Variants in EPHB1 observed in about 807,000 individuals in gnomAD.
EPHB1 encodes the protein EPH receptor B1.
EPHB1 carries 30 observed loss-of-function variants against 94.4 expected under a neutral mutation model. The ratio of observed to expected loss-of-function variants is 0.32; its 90% CI spans 0.24 to 0.43. The LOEUF is 0.43. Ranked by LOEUF, EPHB1 falls within the 20% of genes least tolerant of loss-of-function variation. The pLI is 1.00. For missense variants in EPHB1, 1,055 were observed against 1,308.3 expected (o/e 0.81, Z 2.99); for synonymous variants, 522 against 489.1 (o/e 1.07, Z -0.89).
chr3:135,107,569 C>G (rs775292043), intron 4 of EPHB1, among the ~76,000 whole-genome samples: 2 of 152,190 alleles, frequency 1.3e-5, no homozygotes, highest in Non-Finnish European at 2.9e-5. Flanking sequence ...TCCCTGTGAG[C>G]AGGGACCTTT....
At chr3:135,078,015 A>G (rs1014485682) in intron 3 of EPHB1, among the ~76,000 whole-genome samples, 1 of 152,228 alleles carries the variant, frequency 6.6e-6, no homozygotes, top group Non-Finnish European at 1.5e-5. Flanking sequence ...AGTAGGTGCT[A>G]TTATTACCAC....
intron 9 of EPHB1, among the ~76,000 whole-genome samples, chr3:135,168,643 G>A (rs1221582744): frequency 1.3e-5 from 2 of 152,114 alleles, no homozygotes; most frequent in Admixed American, 1.3e-4. Flanking sequence ...ATTTCCTCAA[G>A]GGCGACCTTC....
chr3:135,198,810 A>G (rs561976367), intron 11 of EPHB1, among the ~76,000 whole-genome samples: 41 of 152,288 alleles, frequency 2.7e-4, no homozygotes, highest in African/African-American at 9.9e-4. Context: ...CCAGAACCCT[A>G]TGAAGAACGG....
chr3:135,090,428 TCTTA>T, intron 3 of EPHB1, among the ~76,000 whole-genome samples: 1 of 152,252 alleles, frequency 6.6e-6, no homozygotes, highest in Admixed American at 6.5e-5. Context: ...TCATAGTAAC[TCTTA>T]CTTGGAGAAT....
chr3:135,183,026 T>TTTTCTTTTCTTTCTTTCTTTC (rs1553745483), intron 10 of EPHB1, among the ~76,000 whole-genome samples: 5 of 94,684 alleles, frequency 5.3e-5, no homozygotes, highest in East Asian at 2.7e-4. Context: ...TTTTCTTTTC[T>TTTTCTTTTCTTTCTTTCTTTC]TTTCTTTCTT....
chr3:135,164,015 C>T (rs544126448), intron 7 of EPHB1, among the ~76,000 whole-genome samples: 1 of 152,288 alleles, frequency 6.6e-6, no homozygotes, highest in African/African-American at 2.4e-5. Flanking sequence ...CACTATGGCC[C>T]TGGGCTGCTC....
At chr3:135,122,010 G>T (rs1939984801) in intron 4 of EPHB1, among the ~76,000 whole-genome samples, 2 of 152,132 alleles carry the variant, frequency 1.3e-5, no homozygotes, top group Non-Finnish European at 2.9e-5. Flanking sequence ...AGTTCCCGTA[G>T]CACAATGCCT....
chr3:135,189,069 G>A (rs1440856157), intron 10 of EPHB1, among the ~76,000 whole-genome samples: 1 of 152,178 alleles, frequency 6.6e-6, no homozygotes, highest in Middle Eastern at 3.2e-3. Context: ...TAGACTTGAA[G>A]ACCAGTCACA....
rs1052498832 is a variant in EPHB1 at position 135,247,562 on chromosome 3, A to C, written c.2497-754A>C. On this transcript the variant is annotated intron_variant, in intron 13 of 15. Transcript: ENST00000398015. ...TAGTTAAGATGTACTGGATGAAAAA[A>C]CACAAAGATCTGAAAAACAGACAAT... Among the ~76,000 whole-genome samples the C allele has an allele frequency of 2.6e-5, 4 of 152,200 alleles. No homozygotes were observed. The South Asian group carries it at 6.2e-4, about 24-fold the overall frequency.
intron 1 of EPHB1, among the ~76,000 whole-genome samples, chr3:134,836,322 T>C (rs2036673387): frequency 6.6e-6 from 1 of 152,246 alleles, no homozygotes; most frequent in Non-Finnish European, 1.5e-5. Context: ...TTAAACTCCT[T>C]GTTTTCCATA....
intron 3 of EPHB1, among the ~76,000 whole-genome samples, chr3:135,023,916 T>C (rs538595956): frequency 1.7e-4 from 26 of 152,340 alleles, no homozygotes; most frequent in African/African-American, 5.3e-4. Context: ...AATTCCTGTT[T>C]CTTAGGAGAA....
intron 3 of EPHB1, among the ~76,000 whole-genome samples, chr3:134,967,735 G>A (rs1933817308): frequency 6.6e-6 from 1 of 152,136 alleles, no homozygotes; most frequent in Non-Finnish European, 1.5e-5. Flanking sequence ...CTAGTCTCAG[G>A]TTTTTAGTTA....
chr3:134,860,818 AG>A lies in EPHB1; in HGVS notation c.59-64997del, dbSNP rs2037241768. 2.0e-5 allele frequency among the ~76,000 whole-genome samples: 3 copies of A among 151,268 alleles called. No homozygotes were observed. In the South Asian group the frequency reaches 6.3e-4, roughly 32 times the overall value. ...GGTGACAAAAAAAAAAAAAAAAAAAAGATTTCTTGACGCTGTCCTGTGACTG... is the reference window on the plus strand; with the variant it reads ...GGTGACAAAAAAAAAAAAAAAAAAAAATTTCTTGACGCTGTCCTGTGACTG... On this transcript the variant is annotated intron_variant, in intron 1 of 15. Transcript: ENST00000398015.
At chr3:134,953,390 C>A (rs907136569) in intron 3 of EPHB1, among the ~76,000 whole-genome samples, 3 of 152,198 alleles carry the variant, frequency 2.0e-5, no homozygotes, top group Admixed American at 2.0e-4. Flanking sequence ...GTACCCATGA[C>A]GGATTGTGTG....
At chr3:134,924,528 A>G (rs977428231) in intron 1 of EPHB1, among the ~76,000 whole-genome samples, 27 of 152,232 alleles carry the variant, frequency 1.8e-4, no homozygotes, top group Non-Finnish European at 4.0e-4. Flanking sequence ...AATTAGGACC[A>G]TAATGATATA....
chr3:134,854,178 A>C (rs1421494961), intron 1 of EPHB1, among the ~76,000 whole-genome samples: 1 of 152,174 alleles, frequency 6.6e-6, no homozygotes, highest in East Asian at 1.9e-4. Flanking sequence ...ATAGGAGAGC[A>C]CAGGGCCTGG....
chr3:134,995,818 G>A (rs936840875), intron 3 of EPHB1, among the ~76,000 whole-genome samples: 1 of 152,124 alleles, frequency 6.6e-6, no homozygotes, highest in African/African-American at 2.4e-5. Context: ...TTTAAAACAA[G>A]TTTTTAAAAA....
chr3:135,164,173 T>A (rs912800900), intron 7 of EPHB1, among the ~76,000 whole-genome samples: 2 of 152,238 alleles, frequency 1.3e-5, no homozygotes, highest in African/African-American at 4.8e-5. Context: ...TATCGCCAAC[T>A]TTATGTTTTA....
intron 3 of EPHB1, among the ~76,000 whole-genome samples, chr3:135,028,093 T>C (rs535469401): frequency 0.074 from 10,378 of 140,568 alleles, 425 homozygotes; most frequent in Non-Finnish European, 0.11. Flanking sequence ...TTTTTTATTG[T>C]GTCTATTTGA....
Sources: gnomAD v4.1 joint callset for allele counts (sites outside exome capture counted in the v4.1 genomes callset) on GRCh38, gnomAD v4.1.1 for gene constraint, MANE v1.5 for transcripts, NCBI Gene and HGNC (gene_info 2026-07-23, HGNC 2026-07-21) for gene names.